PRICKLE1: variants seen among roughly 807,000 people sequenced by gnomAD.
The protein encoded by PRICKLE1 is prickle-like protein 1.
PRICKLE1 carries 14 observed loss-of-function variants against 70.2 expected under a neutral mutation model. The ratio of observed to expected loss-of-function variants is 0.20; its 90% CI spans 0.13 to 0.31. The LOEUF (loss-of-function observed/expected upper bound fraction) is 0.31, where lower values mean the gene tolerates loss of function less well. PRICKLE1 is among the 10% of genes least tolerant of loss of function. The pLI is 1.00. For missense variants in PRICKLE1, 821 were observed against 1,026.2 expected, an observed-to-expected ratio of 0.80 and a Z score of 2.73; for synonymous variants, 357 against 379.9, an observed-to-expected ratio of 0.94 and a Z score of 0.70.
At chr12:42,573,334 T>C (rs920838082) in intron 1 of PRICKLE1, among the ~76,000 whole-genome samples, 1 of 152,154 alleles carries the variant, frequency 6.6e-6, no homozygotes, top group Non-Finnish European at 1.5e-5. Flanking sequence ...GAGACAATTC[T>C]GCGCTGGGCT....
At chr12:42,566,007 CTG>C (rs1292325668) in intron 1 of PRICKLE1, among the ~76,000 whole-genome samples, 4 of 152,294 alleles carry the variant, frequency 2.6e-5, no homozygotes, top group African/African-American at 9.6e-5. Flanking sequence ...GGAAGCCAGT[CTG>C]TGTGGCGAGA....
chr12:42,531,081 C>T (rs1350390916), intron 1 of PRICKLE1, among the ~76,000 whole-genome samples: 7 of 133,952 alleles, frequency 5.2e-5, no homozygotes, highest in Non-Finnish European at 1.1e-4. Flanking sequence ...GAGTCTCGCT[C>T]TGTCTCCCAG....
intron 1 of PRICKLE1, among the ~76,000 whole-genome samples, chr12:42,497,235 T>C (rs971550984): frequency 6.6e-6 from 1 of 151,500 alleles, no homozygotes; most frequent in Non-Finnish European, 1.5e-5. Flanking sequence ...TCTGGGAGAG[T>C]AGTCAGAACA....
At chr12:42,501,695 TCTA>T (rs1402166992) in intron 1 of PRICKLE1, among the ~76,000 whole-genome samples, 1 of 152,004 alleles carries the variant, frequency 6.6e-6, no homozygotes, top group Non-Finnish European at 1.5e-5. Context: ...CAAATTAAAA[TCTA>T]CTACAGAAAA....
At chr12:42,498,348 A>G (rs1035468299) in intron 1 of PRICKLE1, among the ~76,000 whole-genome samples, 5 of 150,310 alleles carry the variant, frequency 3.3e-5, no homozygotes, top group Admixed American at 1.3e-4. Context: ...AATTTTTTGT[A>G]TTTTTAGTGG....
At chr12:42,546,813 G>C (rs1190634769) in intron 1 of PRICKLE1, among the ~76,000 whole-genome samples, 1 of 152,154 alleles carries the variant, frequency 6.6e-6, no homozygotes, top group East Asian at 1.9e-4. Flanking sequence ...TCTTAAGCTG[G>C]CTATAAAACT....
At chr12:42,543,025 TATAA>T (rs1566119996) in intron 1 of PRICKLE1, among the ~76,000 whole-genome samples, 2 of 152,210 alleles carry the variant, frequency 1.3e-5, no homozygotes, top group African/African-American at 4.8e-5. Flanking sequence ...CTTTCCACCA[TATAA>T]GGACACTGCG....
rs994015062 is a variant in PRICKLE1 at position 42,466,360 on chromosome 12, G to A, written c.609C>T (p.Cys203=). 2 of 1,614,100 alleles carry A rather than the reference G, an allele frequency of 1.2e-6. No individual in the cohort carries two copies. The highest frequency in any genetic ancestry group is 1.7e-6 in the Non-Finnish European group (2 of 1,179,990). The change falls in exon 6 of 8, where the codon TGC becomes TGT. Residue 203 remains cysteine (C), a synonymous_variant. Transcript: ENST00000345127. The part of the protein sequence containing the change: ...ACDEIIFADE[C]TEAEGRHWHM... ...GCCAATGGCGACCCTCAGCTTCTGT[G>A]CACTCATCAGCAAAAATTATCTTCA...
intron 1 of PRICKLE1, among the ~76,000 whole-genome samples, chr12:42,491,645 A>G (rs1939106859): frequency 6.6e-6 from 1 of 152,206 alleles, no homozygotes; most frequent in Non-Finnish European, 1.5e-5. Flanking sequence ...AATGTAATCC[A>G]TGTGGAAGAA....
chr12:42,494,835 G>A (rs555603587), intron 1 of PRICKLE1, among the ~76,000 whole-genome samples: 96 of 144,878 alleles, frequency 6.6e-4, no homozygotes, highest in African/African-American at 2.3e-3. Flanking sequence ...GCAATTCCTC[G>A]TCTGATAAAA....
intron 7 of PRICKLE1, chr12:42,463,615 G>A (rs1180218122): frequency 1.3e-5 from 2 of 152,240 alleles, no homozygotes; most frequent in Admixed American, 6.5e-5. Context: ...AGCTACTGGG[G>A]AGGCAGAGGC....
chr12:42,534,501 T>C (rs577291013), intron 1 of PRICKLE1, among the ~76,000 whole-genome samples: 1 of 152,180 alleles, frequency 6.6e-6, no homozygotes, highest in Non-Finnish European at 1.5e-5. Flanking sequence ...AAGCAATAGG[T>C]AAAATGCATT....
chr12:42,460,963 T>C (rs928281236), intron 7 of PRICKLE1, among the ~76,000 whole-genome samples: 2 of 151,970 alleles, frequency 1.3e-5, no homozygotes, highest in Non-Finnish European at 2.9e-5. Flanking sequence ...CACACCACAA[T>C]CTCCACCTCC....
At chr12:42,498,430 T>C (rs1939248417) in intron 1 of PRICKLE1, among the ~76,000 whole-genome samples, 2 of 152,122 alleles carry the variant, frequency 1.3e-5, no homozygotes. Flanking sequence ...CACCTTGGCC[T>C]CCCAAAGTGT....
At chr12:42,588,029 G>C (rs1941011660) in intron 1 of PRICKLE1, among the ~76,000 whole-genome samples, 1 of 152,006 alleles carries the variant, frequency 6.6e-6, no homozygotes, top group Non-Finnish European at 1.5e-5. Flanking sequence ...CAAGGGGCTA[G>C]AGTCCACTCC....
rs1448019140 is a variant in PRICKLE1, at chr12:42,459,934, A to G, written c.2371T>C (p.Phe791Leu). ...QPIPQPRPQR[F>L]AYYTDDLSSP... is the part of the protein sequence containing the mutation. ...GAAAGGTCATCTGTATAGTAGGCAA[A>G]TCTCTGTGGCCGGGGTTGAGGGATT... The change falls in exon 8 of 8, where the codon TTT becomes CTT. Residue 791 changes from phenylalanine (F) to leucine (L), a missense_variant. By Grantham distance (22) the Phe-to-Leu change is conservative. Coordinates refer to ENST00000345127, the MANE Select transcript of PRICKLE1 (RefSeq NM_153026.3). 1 of 1,613,972 alleles carries G rather than the reference A, an allele frequency of 6.2e-7. No individual in the cohort carries two copies. Among genetic ancestry groups the G allele is most frequent in the African/African-American group, 1.3e-5 (1 of 74,896 alleles).
chr12:42,502,235 C>CTATATATATA lies in PRICKLE1; in HGVS notation c.-48-29672_-48-29671insTATATATATA, dbSNP rs5797801. Among the ~76,000 whole-genome samples, 20 of 149,876 alleles carry CTATATATATA rather than the reference C, an allele frequency of 1.3e-4. 1 individual carries two copies. Among genetic ancestry groups the CTATATATATA allele is most frequent in the African/African-American group, 4.7e-4 (19 of 40,428 alleles). On this transcript the variant is annotated intron_variant, in intron 1 of 7. Transcript: ENST00000345127. ...TATATACACACACCTATACATATAC[C>CTATATATATA]TCTATATATATACACACCTATATAT...
intron 1 of PRICKLE1, among the ~76,000 whole-genome samples, chr12:42,536,637 A>AT (rs1940020840): frequency 6.6e-6 from 1 of 152,104 alleles, no homozygotes; most frequent in African/African-American, 2.4e-5. Context: ...CAGCTCTCTC[A>AT]TCTGACTCCC....
intron 6 of PRICKLE1, chr12:42,465,499 C>T: frequency 1.9e-6 from 1 of 534,702 alleles, no homozygotes; most frequent in South Asian, 2.2e-5. Flanking sequence ...CGCAGATGTG[C>T]AGAGTGGTAA....
Sources: allele counts gnomAD v4.1 joint callset (sites outside exome capture counted in the v4.1 genomes callset), GRCh38; gene constraint gnomAD v4.1.1; transcripts MANE v1.5; gene names NCBI Gene and HGNC (gene_info 2026-07-23, HGNC 2026-07-21).